ADGRD1: variants seen among roughly 807,000 people sequenced by gnomAD.
ADGRD1 encodes adhesion G protein-coupled receptor D1, also known as G-protein coupled receptor 133.
ADGRD1 carries 77 observed loss-of-function variants against 113.4 expected under a neutral mutation model. The observed-to-expected ratio is 0.68, with a 90% CI of 0.57 to 0.82. ADGRD1 has a LOEUF of 0.82. Among genes scored for constraint, ADGRD1 ranks in the 40% least tolerant of loss-of-function variants. The pLI, the probability that ADGRD1 is intolerant of heterozygous loss-of-function variation, is 0.00. For missense variants in ADGRD1, 1,036 were observed against 1,139.1 expected (o/e 0.91, Z 1.30); for synonymous variants, 474 against 475.0 (o/e 1.00, Z 0.03).
rs1330252388 is a variant in ADGRD1, at chr12:131,075,559, C to T, written c.1474-1242C>T. Reference sequence around the variant, plus strand: ...AAAAAGAGTAAACGTTCCATTTTGCCAAAACATTAGTAGTAGACAGCACTA... The same window carrying T: ...AAAAAGAGTAAACGTTCCATTTTGCTAAAACATTAGTAGTAGACAGCACTA... On this transcript the variant is annotated intron_variant, in intron 13 of 24. Transcript: ENST00000261654. This position sits in a 1 kb window ranked among gnomAD's most constrained non-coding sequence, Gnocchi z 5.3. Among the ~76,000 whole-genome samples the T allele has an allele frequency of 6.6e-6, 1 of 152,172 alleles. No homozygotes were observed. The highest frequency in any genetic ancestry group is 1.5e-5 in the Non-Finnish European group (1 of 68,036).
chr12:131,139,119 C>T (rs978071193), intron 24 of ADGRD1, 49 bp from the exon 25 acceptor site: 5 of 1,452,862 alleles, frequency 3.4e-6, no homozygotes, highest in African/African-American at 1.4e-5. Flanking sequence ...GCTTATGGCT[C>T]TCCCCCTGGG....
In ADGRD1 at chr12:131,022,433, T is replaced by C. The variant is rs1879423505; in HGVS notation, c.1473+8093T>C. On this transcript the variant is annotated intron_variant, in intron 13 of 24. Transcript: ENST00000261654. The surrounding 1 kb of genome is among the most constrained non-coding windows in gnomAD (Gnocchi z 4.6). ...TGTAATGTTTGCCTAATGATGACTTTCTATTTCCACCATTCCTTCTGCATT... is the reference window on the plus strand; with the variant it reads ...TGTAATGTTTGCCTAATGATGACTTCCTATTTCCACCATTCCTTCTGCATT... 6.6e-6 allele frequency among the ~76,000 whole-genome samples: 1 copy of C among 152,222 alleles called. No individual in the cohort carries two copies. The highest frequency in any genetic ancestry group is 2.1e-4 in the South Asian group (1 of 4,824).
At chr12:131,101,662 C>T (rs560336205) in intron 15 of ADGRD1, among the ~76,000 whole-genome samples, 13 of 152,178 alleles carry the variant, frequency 8.5e-5, no homozygotes, top group African/African-American at 2.4e-4. Context: ...TGATTACAGG[C>T]GTGAGCCACT....
intron 17 of ADGRD1, among the ~76,000 whole-genome samples, chr12:131,106,920 G>T (rs976284129): frequency 1.3e-5 from 2 of 152,194 alleles, no homozygotes; most frequent in Non-Finnish European, 2.9e-5. Flanking sequence ...TGCAGATTTT[G>T]GTTTAGGAGC....
In ADGRD1 at chr12:131,104,900, C is replaced by G; in HGVS notation, c.1741C>G (p.Leu581Val). 6.4e-7 allele frequency: 1 copy of G among 1,551,378 alleles called. No individual in the cohort carries two copies. The highest frequency in any genetic ancestry group is 8.7e-7 in the Non-Finnish European group (1 of 1,147,120). The change falls in exon 16 of 25, where the codon CTG (leucine) becomes GTG (valine). Residue 581 changes from leucine (L) to valine (V), a missense_variant. Coordinates refer to ENST00000261654, the MANE Select transcript of ADGRD1 (RefSeq NM_198827.5). ...GGGCTGCTCCCTCTCCGTGCTCTGCCTGGTGGCCACGCTGGTCACCTTCGC... is the reference window on the plus strand; with the variant it reads ...GGGCTGCTCCCTCTCCGTGCTCTGCGTGGTGGCCACGCTGGTCACCTTCGC... ...YVGCSLSVLCLVATLVTFAVL... is the reference protein window; with the variant it reads ...YVGCSLSVLCVVATLVTFAVL...
rs1950403346 is a variant in ADGRD1, at chr12:131,113,934, A to T, written c.2042-4451A>T. 6.6e-6 allele frequency among the ~76,000 whole-genome samples: 1 copy of T among 152,194 alleles called. No homozygotes were observed. ...ACTGATGGCCAACTATCTAGAGTTT[A>T]TTATAGTTTCTTTATGGATACAGTC... On this transcript the variant is annotated intron_variant, in intron 18 of 24. Coordinates refer to ENST00000261654, the MANE Select transcript of ADGRD1 (RefSeq NM_198827.5). This position sits in a 1 kb window ranked among gnomAD's most constrained non-coding sequence, Gnocchi z 4.9.
chr12:130,982,165 T>G, intron 5 of ADGRD1, 102 bp downstream of exon 5: 1 of 1,001,276 alleles, frequency 1.0e-6, no homozygotes, highest in South Asian at 1.6e-5. Context: ...AGCCCAGGGA[T>G]GCTGCTGCCT....
chr12:131,092,720 G>A (rs1327145473), intron 15 of ADGRD1, among the ~76,000 whole-genome samples: 1 of 152,136 alleles, frequency 6.6e-6, no homozygotes, highest in African/African-American at 2.4e-5. Flanking sequence ...GGGGCCTGGT[G>A]GTCACAGGGA....
intron 15 of ADGRD1, among the ~76,000 whole-genome samples, chr12:131,095,253 C>G (rs559239990): frequency 3.9e-5 from 6 of 152,378 alleles, no homozygotes; most frequent in South Asian, 2.1e-4. Flanking sequence ...AGCCCCAGCC[C>G]TGCCTGGGCA....
At chr12:131,055,115 T>A (rs7301892) in intron 13 of ADGRD1, among the ~76,000 whole-genome samples, 1 of 152,032 alleles carries the variant, frequency 6.6e-6, no homozygotes, top group Non-Finnish European at 1.5e-5. Context: ...TACGCTTAAT[T>A]TGTGGAGGGA....
intron 6 of ADGRD1, chr12:130,989,168 A>G (rs998982655): frequency 6.6e-6 from 1 of 152,210 alleles, no homozygotes; most frequent in Admixed American, 6.5e-5. Flanking sequence ...AAATGGACCA[A>G]TCTACTGCAT....
intron 15 of ADGRD1, among the ~76,000 whole-genome samples, chr12:131,099,241 C>T (rs1205112820): frequency 6.6e-6 from 1 of 152,214 alleles, no homozygotes; most frequent in Non-Finnish European, 1.5e-5. Flanking sequence ...GCATTGAGGC[C>T]TGTGTGAAGC....
At chr12:131,054,568 C>T (rs988134028) in intron 13 of ADGRD1, among the ~76,000 whole-genome samples, 2 of 152,208 alleles carry the variant, frequency 1.3e-5, no homozygotes, top group Non-Finnish European at 2.9e-5. Flanking sequence ...CAGGCTATTC[C>T]TGGCCCTGTG....
chr12:131,114,664 T>A, intron 18 of ADGRD1, among the ~76,000 whole-genome samples: 1 of 152,074 alleles, frequency 6.6e-6, no homozygotes, highest in East Asian at 1.9e-4. Flanking sequence ...AGGTGGCTTC[T>A]TCCTGCAGAT....
intron 14 of ADGRD1, among the ~76,000 whole-genome samples, chr12:131,083,910 T>C (rs1886256992): frequency 6.6e-6 from 1 of 152,208 alleles, no homozygotes; most frequent in Non-Finnish European, 1.5e-5. Flanking sequence ...TTCTCTGTAG[T>C]CTCTGTGCCG....
intron 4 of ADGRD1, among the ~76,000 whole-genome samples, chr12:130,975,190 T>G (rs1872161818): frequency 6.6e-6 from 1 of 152,164 alleles, no homozygotes; most frequent in Non-Finnish European, 1.5e-5. Flanking sequence ...CCTTGAAGGC[T>G]CAGCTCAAGT....
chr12:130,993,645 G>C (rs1281006611), intron 8 of ADGRD1, among the ~76,000 whole-genome samples: 1 of 152,142 alleles, frequency 6.6e-6, no homozygotes, highest in Non-Finnish European at 1.5e-5. Flanking sequence ...CAGCACACCT[G>C]CTTCCCACTG....
chr12:131,042,634 C>T (rs1882253014), intron 13 of ADGRD1, among the ~76,000 whole-genome samples: 1 of 152,200 alleles, frequency 6.6e-6, no homozygotes, highest in Non-Finnish European at 1.5e-5. Flanking sequence ...CTGCTGGCTT[C>T]TCCCAGCTCC....
At chr12:131,010,781 G>C (rs942850299) in intron 12 of ADGRD1, among the ~76,000 whole-genome samples, 2 of 152,020 alleles carry the variant, frequency 1.3e-5, no homozygotes, top group African/African-American at 2.4e-5. Context: ...GCACAGTCAC[G>C]GGCCAGGAAC....
Sources: allele counts gnomAD v4.1 joint callset (sites outside exome capture counted in the v4.1 genomes callset), GRCh38; gene constraint gnomAD v4.1.1; non-coding constraint Gnocchi (gnomAD v3.1); transcripts MANE v1.5; gene names NCBI Gene and HGNC (gene_info 2026-07-23, HGNC 2026-07-21).